Variants in RASSF5 observed in about 807,000 individuals in gnomAD.
RASSF5 encodes the protein Ras association domain family member 5, also known as ras association domain-containing protein 5.
In RASSF5, 25 loss-of-function variants were observed where a neutral mutation model predicts 40.5. That is an observed-to-expected ratio of 0.62 (90% CI 0.45 to 0.86). The LOEUF (loss-of-function observed/expected upper bound fraction) is 0.86, where lower values mean the gene tolerates loss of function less well. Ranked by LOEUF, RASSF5 falls within the 40% of genes least tolerant of loss-of-function variation. The pLI is 0.00. For missense variants in RASSF5, 521 were observed against 572.8 expected, an observed-to-expected ratio of 0.91 and a Z score of 0.92; for synonymous variants, 246 against 252.4, an observed-to-expected ratio of 0.97 and a Z score of 0.24.
At chr1:206,568,660 C>T (rs562994216) in intron 2 of RASSF5, among the ~76,000 whole-genome samples, 1 of 152,294 alleles carries the variant, frequency 6.6e-6, no homozygotes, top group East Asian at 1.9e-4. Flanking sequence ...GAGAGAGCTC[C>T]CGCAGTCACC....
At chr1:206,520,344 C>T (rs778051942) in intron 1 of RASSF5, among the ~76,000 whole-genome samples, 24 of 152,128 alleles carry the variant, frequency 1.6e-4, no homozygotes, top group Non-Finnish European at 3.2e-4. Flanking sequence ...CGGTGGCTCA[C>T]GCCTGTAATC....
chr1:206,528,243 T>TA (rs781866192), intron 1 of RASSF5, among the ~76,000 whole-genome samples: 13 of 150,422 alleles, frequency 8.6e-5, no homozygotes, highest in South Asian at 2.1e-4. Flanking sequence ...TTTTTTTAAT[T>TA]AAAAAAAAAG....
Position 206,588,257 on chromosome 1 carries a change from T to C in RASSF5, c.*1279T>C, listed in dbSNP as rs1443860467. The C allele has an allele frequency of 5.9e-5, 9 of 152,738 alleles. No individual in the cohort carries two copies. The highest frequency in any genetic ancestry group is 2.2e-4 in the African/African-American group (9 of 41,456). 9.5% of individuals were successfully genotyped at this position (152,738 alleles called of 1,614,324 possible). On this transcript the variant is annotated 3_prime_UTR_variant, in exon 6 of 6. Coordinates refer to ENST00000579436, the MANE Select transcript of RASSF5 (RefSeq NM_182663.4). ...CAAGGCCAGGAGAGCCCGCGTTCAG[T>C]ATGGGTTGAGGGTCACAGACCTCCC...
chr1:206,557,467 G>A (rs1204002327), intron 2 of RASSF5: 2 of 1,551,296 alleles, frequency 1.3e-6, no homozygotes, highest in Non-Finnish European at 1.7e-6. Flanking sequence ...CAGAGCTAGG[G>A]GCTTACGCCA....
chr1:206,534,748 C>A (rs1232566542), intron 1 of RASSF5, among the ~76,000 whole-genome samples: 1 of 152,188 alleles, frequency 6.6e-6, no homozygotes, highest in East Asian at 1.9e-4. Context: ...GCCTGGGTTT[C>A]CCAGGTTTCT....
chr1:206,523,680 T>TAATATATTTATATA, intron 1 of RASSF5, among the ~76,000 whole-genome samples: 1 of 94,508 alleles, frequency 1.1e-5, no homozygotes, highest in Admixed American at 1.8e-4. Context: ...ATATTATATA[T>TAATATATTTATATA]AAATATATTA....
At chr1:206,578,437 T>C (rs926153849) in intron 2 of RASSF5, among the ~76,000 whole-genome samples, 2 of 152,094 alleles carry the variant, frequency 1.3e-5, no homozygotes, top group Non-Finnish European at 2.9e-5. Context: ...GTGAGTAGAA[T>C]AGTGCACGGT....
intron 1 of RASSF5, chr1:206,529,189 T>A (rs1201724374): frequency 6.9e-6 from 10 of 1,440,774 alleles, no homozygotes; most frequent in Non-Finnish European, 9.4e-6. Context: ...GCTACTCAGC[T>A]GCTTAAGCTG....
chr1:206,521,882 A>C (rs899788086), intron 1 of RASSF5, among the ~76,000 whole-genome samples: 2 of 152,324 alleles, frequency 1.3e-5, no homozygotes, highest in Middle Eastern at 3.4e-3. Context: ...CACCCAGAGC[A>C]AAGTGACACA....
chr1:206,537,926 A>C (rs1361517022), intron 1 of RASSF5, among the ~76,000 whole-genome samples: 1 of 152,200 alleles, frequency 6.6e-6, no homozygotes, highest in Non-Finnish European at 1.5e-5. Flanking sequence ...AATAATAATG[A>C]TTGCAGAGTC....
At chr1:206,522,581 T>C (rs1209939472) in intron 1 of RASSF5, among the ~76,000 whole-genome samples, 3 of 152,142 alleles carry the variant, frequency 2.0e-5, no homozygotes, top group Non-Finnish European at 2.9e-5. Flanking sequence ...TCTCCCAAAA[T>C]AGATTGCCTC....
At chr1:206,528,119 A>T (rs1371897978) in intron 1 of RASSF5, among the ~76,000 whole-genome samples, 1 of 152,182 alleles carries the variant, frequency 6.6e-6, no homozygotes, top group African/African-American at 2.4e-5. Flanking sequence ...AGATGAATAA[A>T]CTATGGTCAT....
chr1:206,557,071 G>A (rs1462153308), intron 2 of RASSF5: 9 of 910,706 alleles, frequency 9.9e-6, no homozygotes, highest in African/African-American at 1.8e-5. Context: ...ACTTGCCACC[G>A]GGGGCGGGTG....
rs1553394760 is a variant in RASSF5 at position 206,512,063 on chromosome 1, T to C, written c.457+4004T>C. Among the ~76,000 whole-genome samples, 3 of 152,214 alleles carry C rather than the reference T, an allele frequency of 2.0e-5. No homozygotes were observed. In the East Asian group the frequency reaches 5.8e-4, roughly 29 times the overall value. On this transcript the variant is annotated intron_variant, in intron 1 of 5. Coordinates refer to ENST00000579436, the MANE Select transcript of RASSF5 (RefSeq NM_182663.4). ...TGCGCACCCAGCAGCACTGAGTGTG[T>C]AGCGTGTGTTTTCCTTGATTTAGCC...
At chr1:206,551,780 G>GTGGGC (rs1480639433) in intron 2 of RASSF5, among the ~76,000 whole-genome samples, 1 of 152,206 alleles carries the variant, frequency 6.6e-6, no homozygotes, top group African/African-American at 2.4e-5. Flanking sequence ...TGACCCCCAG[G>GTGGGC]TGGGCTAGGC....
Position 206,585,315 on chromosome 1 carries a change from G to A in RASSF5, c.1104+20G>A. 1 of 1,595,156 alleles carries A rather than the reference G, an allele frequency of 6.3e-7. No individual in the cohort carries two copies. The highest frequency in any genetic ancestry group is 1.7e-5 in the Admixed American group (1 of 59,994). On this transcript the variant is annotated intron_variant, in intron 5 of 5. Coordinates refer to ENST00000579436, the MANE Select transcript of RASSF5 (RefSeq NM_182663.4). The stretch of plus-strand genomic sequence containing the variant: ...GTAGAGGTAGGTCTGGACCCATTGT[G>A]CAAACCCAGGCCTTAGGGCACCCTG...
rs1230145606 is a variant in RASSF5 at position 206,579,234 on chromosome 1, A to C, written c.580-4035A>C. Among the ~76,000 whole-genome samples, 1 of 152,198 alleles carries C rather than the reference A, an allele frequency of 6.6e-6. No individual in the cohort carries two copies. Among genetic ancestry groups the C allele is most frequent in the African/African-American group, 2.4e-5 (1 of 41,456 alleles). On this transcript the variant is annotated intron_variant, in intron 2 of 5. Transcript: ENST00000579436. The surrounding 1 kb of genome is among the most constrained non-coding windows in gnomAD (Gnocchi z 4.2). The stretch of plus-strand genomic sequence containing the variant: ...CCACCAATGCCAGGGGCTTAATCGG[A>C]ATAGATGAATTCCATGCCAGATGCA...
chr1:206,540,885 C>T (rs974001967), intron 2 of RASSF5, among the ~76,000 whole-genome samples: 6 of 152,162 alleles, frequency 3.9e-5, no homozygotes, highest in Admixed American at 1.3e-4. Context: ...TGGCATTTCT[C>T]CTCTCTGATA....
At position 206,528,908 on chromosome 1, in the gene RASSF5, G is replaced by T. The variant is rs782382405; in HGVS notation, c.458-9264G>T. 1.2e-4 allele frequency: 70 copies of T among 579,970 alleles called. No homozygotes were observed. The Middle Eastern group carries it at 2.7e-3, about 22-fold the overall frequency. The allele number at this position is 579,970 out of a possible 1,614,324, so 35.9% of individuals were successfully genotyped here. ...AAAAAATTAGCTCTCTCCTCGCATTGCCCAAGATGCTGAAAGGAAAGAAGG... is the reference window on the plus strand; with the variant it reads ...AAAAAATTAGCTCTCTCCTCGCATTTCCCAAGATGCTGAAAGGAAAGAAGG... On this transcript the variant is annotated intron_variant, in intron 1 of 5. Coordinates refer to ENST00000579436, the MANE Select transcript of RASSF5 (RefSeq NM_182663.4).
Sources: allele counts gnomAD v4.1 joint callset (sites outside exome capture counted in the v4.1 genomes callset), GRCh38; gene constraint gnomAD v4.1.1; non-coding constraint Gnocchi (gnomAD v3.1); transcripts MANE v1.5; gene names NCBI Gene and HGNC (gene_info 2026-07-23, HGNC 2026-07-21).